Variants in CCDC6 observed in about 807,000 individuals in gnomAD.
CCDC6 encodes coiled-coil domain containing 6, also known as coiled-coil domain-containing protein 6.
CCDC6 carries 20 observed loss-of-function variants against 56.6 expected under a neutral mutation model. That is an observed-to-expected ratio of 0.35 (90% CI 0.25 to 0.51). The LOEUF (loss-of-function observed/expected upper bound fraction) is 0.51, where lower values mean the gene tolerates loss of function less well. CCDC6 is among the 20% of genes least tolerant of loss of function. CCDC6 has a pLI of 0.95. For synonymous variants in CCDC6, 241 were observed against 234.4 expected (o/e 1.03, Z -0.26); for missense variants, 367 against 601.1 (o/e 0.61, Z 4.07).
At chr10:59,801,390 T>C (rs2070573294) in intron 7 of CCDC6, among the ~76,000 whole-genome samples, 1 of 152,242 alleles carries the variant, frequency 6.6e-6, no homozygotes, top group South Asian at 2.1e-4. Context: ...TGGTAAGTTC[T>C]GTGCTGCCGG....
chr10:59,838,019 G>A (rs980924313), intron 2 of CCDC6, among the ~76,000 whole-genome samples: 6 of 152,070 alleles, frequency 3.9e-5, no homozygotes, highest in South Asian at 4.2e-4. Flanking sequence ...TCAGAACATA[G>A]AAAGTCTCTC....
intron 1 of CCDC6, among the ~76,000 whole-genome samples, chr10:59,894,209 C>T (rs2071444738): frequency 6.6e-6 from 1 of 152,188 alleles, no homozygotes; most frequent in Non-Finnish European, 1.5e-5. Context: ...GGCAGAAATG[C>T]TCTTACTCTT....
At chr10:59,820,058 A>G (rs573158396) in intron 3 of CCDC6, among the ~76,000 whole-genome samples, 16 of 152,356 alleles carry the variant, frequency 1.1e-4, no homozygotes, top group Middle Eastern at 6.8e-3. Flanking sequence ...AATAAACTTA[A>G]TATATAAAAA....
intron 1 of CCDC6, among the ~76,000 whole-genome samples, chr10:59,868,480 C>A (rs2071196965): frequency 6.6e-6 from 1 of 152,112 alleles, no homozygotes; most frequent in African/African-American, 2.4e-5. Flanking sequence ...CAGCTCACTG[C>A]CACTGGACAC....
chr10:59,899,042 G>C (rs1350298985), intron 1 of CCDC6, among the ~76,000 whole-genome samples: 2 of 152,122 alleles, frequency 1.3e-5, no homozygotes, highest in Non-Finnish European at 2.9e-5. Flanking sequence ...CTGGTATCAG[G>C]GTTGGAATAG....
chr10:59,906,435 G>T lies in CCDC6; in HGVS notation c.-11C>A. The stretch of plus-strand genomic sequence containing the variant: ...GGCGCTGTCCGCCATGGCCGCGGCG[G>T]GCTGGGGAAAGGAGGAGGAGCAGCA... On this transcript the variant is annotated 5_prime_UTR_variant, in exon 1 of 9. Coordinates refer to ENST00000263102, the MANE Select transcript of CCDC6 (RefSeq NM_005436.5). The T allele has an allele frequency of 1.3e-6, 2 of 1,506,572 alleles. No individual in the cohort carries two copies. Among genetic ancestry groups the T allele is most frequent in the South Asian group, 1.3e-5 (1 of 75,472 alleles). The allele number at this position is 1,506,572 out of a possible 1,614,324, so 93.3% of individuals were successfully genotyped here. A position where few individuals can be genotyped will look rare whatever the true frequency, so the allele number is the denominator to read the frequency against.
At chr10:59,872,236 C>T (rs16914297) in intron 1 of CCDC6, among the ~76,000 whole-genome samples, 27,052 of 152,184 alleles carry the variant, frequency 0.18, 2,736 homozygotes, top group African/African-American at 0.27. Context: ...CAGTTGTTTC[C>T]AATGCTTCTG....
intron 3 of CCDC6, among the ~76,000 whole-genome samples, chr10:59,822,777 A>G (rs1380163192): frequency 1.3e-5 from 2 of 152,138 alleles, no homozygotes; most frequent in African/African-American, 2.4e-5. Context: ...GCAAAACCCC[A>G]TCCTCAAGCC....
chr10:59,859,206 G>A (rs983781267), intron 1 of CCDC6, among the ~76,000 whole-genome samples: 2 of 135,252 alleles, frequency 1.5e-5, no homozygotes, highest in South Asian at 2.3e-4. Flanking sequence ...GTGCGTGTGT[G>A]TGTGTGTGTG....
intron 2 of CCDC6, among the ~76,000 whole-genome samples, chr10:59,849,712 G>A (rs1001219642): frequency 5.3e-5 from 8 of 152,156 alleles, no homozygotes; most frequent in Admixed American, 3.3e-4. Context: ...CCATTTGTCT[G>A]TGAGTGACAC....
chr10:59,880,811 A>C (rs917503757), intron 1 of CCDC6, among the ~76,000 whole-genome samples: 1 of 152,180 alleles, frequency 6.6e-6, no homozygotes, highest in Non-Finnish European at 1.5e-5. Flanking sequence ...TCTTATACTC[A>C]CAGGCTCCTT....
At chr10:59,860,398 G>A (rs1469704739) in intron 1 of CCDC6, among the ~76,000 whole-genome samples, 4 of 152,244 alleles carry the variant, frequency 2.6e-5, no homozygotes, top group South Asian at 2.1e-4. Context: ...ACCTTAAACT[G>A]GATCAGAAGA....
At chr10:59,812,119 CA>C (rs1197948684) in intron 5 of CCDC6, among the ~76,000 whole-genome samples, 6 of 146,576 alleles carry the variant, frequency 4.1e-5, no homozygotes, top group Non-Finnish European at 7.5e-5. Flanking sequence ...TACACAGGGA[CA>C]TAATCAAATA....
chr10:59,829,710 T>C (rs891898772), intron 3 of CCDC6, among the ~76,000 whole-genome samples: 2 of 152,090 alleles, frequency 1.3e-5, no homozygotes, highest in African/African-American at 4.8e-5. Context: ...AATAGGCAAA[T>C]ACACAGACAG....
chr10:59,897,174 C>T (rs1298789852), intron 1 of CCDC6, among the ~76,000 whole-genome samples: 1 of 152,070 alleles, frequency 6.6e-6, no homozygotes, highest in Non-Finnish European at 1.5e-5. Flanking sequence ...TAGATAAACT[C>T]TGGTCTAGTG....
At chr10:59,811,990 G>A (rs1310620451) in intron 5 of CCDC6, among the ~76,000 whole-genome samples, 1 of 148,986 alleles carries the variant, frequency 6.7e-6, no homozygotes, top group Non-Finnish European at 1.5e-5. Context: ...GAATAGGAAT[G>A]AGAGAAAGAC....
chr10:59,810,935 G>A (rs916686892), intron 5 of CCDC6, among the ~76,000 whole-genome samples: 2 of 152,168 alleles, frequency 1.3e-5, no homozygotes, highest in Non-Finnish European at 2.9e-5. Context: ...GGAGGCAGGG[G>A]AATCAGAGTG....
chr10:59,865,024 T>C (rs1008856667), intron 1 of CCDC6, among the ~76,000 whole-genome samples: 31 of 152,274 alleles, frequency 2.0e-4, no homozygotes, highest in Admixed American at 1.9e-3. Flanking sequence ...TCCAAAACGT[T>C]TTAGCTCAGA....
Position 59,849,587 on chromosome 10 carries a change from A to G in CCDC6, c.453+2966T>C, listed in dbSNP as rs186283556. Among the ~76,000 whole-genome samples, 13 of 152,344 alleles carry G rather than the reference A, an allele frequency of 8.5e-5. No homozygotes were observed. In the East Asian group the frequency reaches 2.5e-3, roughly 29 times the overall value. ...CACATAAAAGCATTGTCCAATCACT[A>G]TCAGAAATAACAGCCAAAGCACTCT... On this transcript the variant is annotated intron_variant, in intron 2 of 8. Transcript: ENST00000263102.
Sources: gnomAD v4.1 joint callset for allele counts (sites outside exome capture counted in the v4.1 genomes callset) on GRCh38, gnomAD v4.1.1 for gene constraint, MANE v1.5 for transcripts, NCBI Gene and HGNC (gene_info 2026-07-23, HGNC 2026-07-21) for gene names.